CNTNAP5: variants seen among roughly 807,000 people sequenced by gnomAD.
The protein encoded by CNTNAP5 is contactin associated protein family member 5, also known as contactin-associated protein-like 5.
A neutral mutation model predicts 150.2 loss-of-function variants in CNTNAP5; 72 were observed. That is an observed-to-expected ratio of 0.48 (90% confidence interval 0.40 to 0.58). CNTNAP5 has a LOEUF of 0.58. Among genes scored for constraint, CNTNAP5 ranks in the 20% least tolerant of loss-of-function variants. The pLI is 0.00. For missense variants in CNTNAP5, 1,636 were observed against 1,626.2 expected, an observed-to-expected ratio of 1.01 and a Z score of -0.10; for synonymous variants, 672 against 619.8, an observed-to-expected ratio of 1.08 and a Z score of -1.25.
intron 19 of CNTNAP5, among the ~76,000 whole-genome samples, chr2:124,799,349 C>A (rs1160178258): frequency 1.3e-5 from 2 of 152,198 alleles, no homozygotes; most frequent in Non-Finnish European, 2.9e-5. Context: ...CTTAATTCCA[C>A]CCTGCAAGGA....
intron 7 of CNTNAP5, among the ~76,000 whole-genome samples, chr2:124,480,254 T>C (rs528240714): frequency 1.2e-3 from 188 of 152,320 alleles, no homozygotes; most frequent in Non-Finnish European, 2.1e-3. Flanking sequence ...TCAGATTTGA[T>C]CAAATGGTAG....
chr2:124,245,577 A>G (rs2104772805), intron 3 of CNTNAP5, among the ~76,000 whole-genome samples: 1 of 122,198 alleles, frequency 8.2e-6, no homozygotes, highest in African/African-American at 2.8e-5. Flanking sequence ...ATATACATAT[A>G]TATCTGTGTG....
intron 18 of CNTNAP5, among the ~76,000 whole-genome samples, chr2:124,797,216 G>A (rs1253940112): frequency 1.3e-5 from 2 of 152,296 alleles, no homozygotes; most frequent in East Asian, 1.9e-4. Flanking sequence ...ATGAAACCAA[G>A]TGAGACTCAG....
rs188172814 is a variant in CNTNAP5 at position 124,843,010 on chromosome 2, G to A, written c.3218-22296G>A. On this transcript the variant is annotated intron_variant, in intron 19 of 23. Coordinates refer to ENST00000682447, the MANE Select transcript of CNTNAP5 (RefSeq NM_001367498.1). ...AGATTTTGGTGCACACATCACACAAGCATTGTACATGGTACCCAATATGTA... is the reference window on the plus strand; with the variant it reads ...AGATTTTGGTGCACACATCACACAAACATTGTACATGGTACCCAATATGTA... Among the ~76,000 whole-genome samples, 7 of 152,040 alleles carry A rather than the reference G, an allele frequency of 4.6e-5. No individual in the cohort carries two copies. In the East Asian group the frequency reaches 1.4e-3, roughly 29 times the overall value.
At chr2:124,395,458 C>A (rs935340501) in intron 3 of CNTNAP5, among the ~76,000 whole-genome samples, 4 of 152,066 alleles carry the variant, frequency 2.6e-5, no homozygotes, top group African/African-American at 7.2e-5. Flanking sequence ...TGAAAACATG[C>A]AGCTGGATCA....
chr2:124,762,361 A>G (rs576458150), intron 14 of CNTNAP5, among the ~76,000 whole-genome samples: 7 of 152,248 alleles, frequency 4.6e-5, no homozygotes, highest in African/African-American at 1.7e-4. Context: ...TGGATAATAA[A>G]TCTGAAAATT....
chr2:124,343,738 G>C (rs549157509), intron 3 of CNTNAP5, among the ~76,000 whole-genome samples: 1 of 152,224 alleles, frequency 6.6e-6, no homozygotes. Context: ...TCTCTTTTGA[G>C]AGTTTTTCTC....
rs371806467 is a variant in CNTNAP5 at position 124,704,423 on chromosome 2, C to T, written c.2078-42806C>T. On this transcript the variant is annotated intron_variant, in intron 13 of 23. Transcript: ENST00000682447. ...GTGTTTGGACATAAGGTGTGAAACT[C>T]GTTATATCACTATTCCAGGAACATG... Among the ~76,000 whole-genome samples the T allele has an allele frequency of 1.9e-4, 29 of 151,666 alleles. No individual in the cohort carries two copies. The East Asian group carries it at 4.6e-3, about 24-fold the overall frequency.
intron 21 of CNTNAP5, among the ~76,000 whole-genome samples, chr2:124,888,739 C>G (rs1345503547): frequency 6.6e-6 from 1 of 151,964 alleles, no homozygotes. Flanking sequence ...ACTTGTACGT[C>G]TTCTTTTAAG....
At chr2:124,104,498 A>G (rs1012401361) in intron 1 of CNTNAP5, among the ~76,000 whole-genome samples, 1 of 151,974 alleles carries the variant, frequency 6.6e-6, no homozygotes, top group African/African-American at 2.4e-5. Context: ...ATTCTGCCTC[A>G]TTTTCCCCAT....
Position 124,790,010 on chromosome 2 carries a change from G to T in CNTNAP5, c.2861G>T (p.Arg954Met). The change falls in exon 18 of 24, where the codon AGG becomes ATG. Residue 954 changes from arginine to methionine, a missense_variant. Arg to Met is a moderately conservative substitution (Grantham distance 91, BLOSUM62 -1). Transcript: ENST00000682447. The part of the protein sequence containing the change: ...EERAKVTSGV[R>M]PGCPGHCSSY... ...AGGGCAAAGGTCACATCTGGAGTCAGGCCAGGCTGCCCCGGCCACTGCAGC... is the reference window on the plus strand; with the variant it reads ...AGGGCAAAGGTCACATCTGGAGTCATGCCAGGCTGCCCCGGCCACTGCAGC... The T allele has an allele frequency of 1.2e-6, 2 of 1,613,960 alleles. No homozygotes were observed. The highest frequency in any genetic ancestry group is 1.7e-6 in the Non-Finnish European group (2 of 1,179,852).
intron 13 of CNTNAP5, among the ~76,000 whole-genome samples, chr2:124,737,350 A>G (rs1382856542): frequency 6.6e-6 from 1 of 152,084 alleles, no homozygotes; most frequent in Non-Finnish European, 1.5e-5. Context: ...GATAGGGTTA[A>G]CTGGAAATAA....
intron 1 of CNTNAP5, among the ~76,000 whole-genome samples, chr2:124,052,255 A>G (rs1392820966): frequency 1.3e-5 from 2 of 152,218 alleles, no homozygotes; most frequent in East Asian, 1.9e-4. Flanking sequence ...TCACCTAGTT[A>G]CTTTATTGAA....
intron 3 of CNTNAP5, among the ~76,000 whole-genome samples, chr2:124,413,814 T>C (rs556432311): frequency 7.6e-6 from 1 of 131,672 alleles, no homozygotes; most frequent in African/African-American, 2.9e-5. Flanking sequence ...TGCACCAGCA[T>C]GGCACATGTA....
rs1002332656 is a variant in CNTNAP5 at position 124,485,943 on chromosome 2, T to C, written c.1062+11061T>C. Among the ~76,000 whole-genome samples the C allele has an allele frequency of 2.6e-5, 4 of 152,162 alleles. No homozygotes were observed. In the East Asian group the frequency reaches 5.8e-4, roughly 22 times the overall value. On this transcript the variant is annotated intron_variant, in intron 7 of 23. Transcript: ENST00000682447. ...ACTCCGCTACCGTTTGATTGAGCAA[T>C]TTCACTACTAGGTGTCTACCCAGAG...
At chr2:124,197,580 T>C (rs1223061012) in intron 1 of CNTNAP5, among the ~76,000 whole-genome samples, 1 of 152,194 alleles carries the variant, frequency 6.6e-6, no homozygotes, top group East Asian at 1.9e-4. Flanking sequence ...GGACACTTGT[T>C]TAGAGTATTT....
intron 1 of CNTNAP5, among the ~76,000 whole-genome samples, chr2:124,105,885 A>G (rs928940335): frequency 2.0e-5 from 3 of 152,118 alleles, no homozygotes; most frequent in Admixed American, 1.3e-4. Flanking sequence ...AGAATTTTCA[A>G]TGGATCATCT....
At chr2:124,634,122 C>G (rs1015113325) in intron 12 of CNTNAP5, among the ~76,000 whole-genome samples, 5 of 152,308 alleles carry the variant, frequency 3.3e-5, no homozygotes, top group African/African-American at 1.2e-4. Flanking sequence ...ATGCAAATTT[C>G]TGCAGCCAGC....
chr2:124,419,929 TTTC>T (rs1170143676), intron 4 of CNTNAP5, among the ~76,000 whole-genome samples: 79 of 130,272 alleles, frequency 6.1e-4, no homozygotes, highest in Admixed American at 2.7e-3. Flanking sequence ...TCTTTCTTTC[TTTC>T]TTTCTTTCTT....
Sources: gnomAD v4.1 joint callset for allele counts (sites outside exome capture counted in the v4.1 genomes callset) on GRCh38, gnomAD v4.1.1 for gene constraint, MANE v1.5 for transcripts, NCBI Gene and HGNC (gene_info 2026-07-23, HGNC 2026-07-21) for gene names.